The following PLCL1 variants were observed in gnomAD, a reference collection of about 807,000 sequenced individuals.
PLCL1 encodes the protein phospholipase C like 1 (inactive).
PLCL1 carries 41 observed loss-of-function variants against 84.4 expected under a neutral mutation model. That is an observed-to-expected ratio of 0.49 (90% CI 0.38 to 0.63). The LOEUF is 0.63. Ranked by LOEUF, PLCL1 falls within the 30% of genes least tolerant of loss-of-function variation. The probability of loss-of-function intolerance (pLI) is 0.00; values close to 1 mark genes in which losing one functional copy is unlikely to be tolerated. For missense variants in PLCL1, 1,206 were observed against 1,367.8 expected (o/e 0.88, Z 1.87); for synonymous variants, 490 against 488.3 (o/e 1.00, Z -0.05).
chr2:197,989,150 AT>A (rs1301412949), intron 1 of PLCL1, among the ~76,000 whole-genome samples: 1 of 152,232 alleles, frequency 6.6e-6, no homozygotes, highest in Non-Finnish European at 1.5e-5. Context: ...ACATTTTCAG[AT>A]TATGATGGCT....
chr2:197,975,495 A>G (rs1266967188), intron 1 of PLCL1, among the ~76,000 whole-genome samples: 1 of 152,102 alleles, frequency 6.6e-6, no homozygotes. Flanking sequence ...CCAATTGGCT[A>G]TCATCTACAT....
At chr2:198,096,254 T>C (rs1271767899) in intron 3 of PLCL1, among the ~76,000 whole-genome samples, 3 of 152,204 alleles carry the variant, frequency 2.0e-5, no homozygotes, top group Admixed American at 6.5e-5. Context: ...TCTTAGATCA[T>C]TTAGTCCTAT....
intron 1 of PLCL1, among the ~76,000 whole-genome samples, chr2:198,067,396 G>A (rs1199230932): frequency 6.6e-6 from 1 of 151,898 alleles, no homozygotes; most frequent in African/African-American, 2.4e-5. Flanking sequence ...CCAAAGTGTT[G>A]GGATTACAGG....
chr2:198,018,778 G>T (rs1691060506), intron 1 of PLCL1, among the ~76,000 whole-genome samples: 1 of 152,202 alleles, frequency 6.6e-6, no homozygotes, highest in Non-Finnish European at 1.5e-5. Flanking sequence ...CAGAGCACCT[G>T]CAGGAAGGGG....
chr2:197,845,230 A>G (rs1687098043), intron 1 of PLCL1, among the ~76,000 whole-genome samples: 2 of 152,154 alleles, frequency 1.3e-5, no homozygotes, highest in Admixed American at 6.6e-5. Context: ...CAGGAAAATG[A>G]CAAGTCAAAG....
intron 1 of PLCL1, among the ~76,000 whole-genome samples, chr2:198,079,127 T>A (rs561962987): frequency 5.9e-4 from 89 of 152,044 alleles, no homozygotes; most frequent in Non-Finnish European, 9.1e-4. Context: ...GATTTTTTTT[T>A]TAATTTTGAT....
At chr2:197,983,209 T>C (rs1193522176) in intron 1 of PLCL1, among the ~76,000 whole-genome samples, 6 of 12,648 alleles carry the variant, frequency 4.7e-4, no homozygotes, top group Admixed American at 8.2e-4. Flanking sequence ...TCTTTTTTTT[T>C]TTTTTTTTTT....
At chr2:197,983,216 T>C (rs1392907214) in intron 1 of PLCL1, among the ~76,000 whole-genome samples, 99 of 57,480 alleles carry the variant, frequency 1.7e-3, no homozygotes, top group African/African-American at 6.3e-3. Flanking sequence ...TTTTTTTTTT[T>C]TTTTTTTTTT....
chr2:198,083,695 G>A (rs1692778350), intron 1 of PLCL1, 63 bp from the exon 2 acceptor site: 2 of 1,046,416 alleles, frequency 1.9e-6, no homozygotes, highest in African/African-American at 1.6e-5. Flanking sequence ...AGTTCATAGA[G>A]TGTTACTGAA....
At chr2:197,976,958 C>A (rs1689994443) in intron 1 of PLCL1, among the ~76,000 whole-genome samples, 1 of 152,216 alleles carries the variant, frequency 6.6e-6, no homozygotes, top group Non-Finnish European at 1.5e-5. Context: ...TGACATGCCA[C>A]ACTGGCCTCA....
chr2:198,047,390 G>T (rs1157049759), intron 1 of PLCL1, among the ~76,000 whole-genome samples: 3 of 152,050 alleles, frequency 2.0e-5, no homozygotes, highest in African/African-American at 7.2e-5. Context: ...CATCACGTTG[G>T]CTGGGATGAT....
chr2:198,124,720 G>A (rs1038846048), intron 5 of PLCL1, among the ~76,000 whole-genome samples: 1 of 152,098 alleles, frequency 6.6e-6, no homozygotes, highest in African/African-American at 2.4e-5. Flanking sequence ...GATAGAAGCA[G>A]CTACTGCATT....
intron 1 of PLCL1, among the ~76,000 whole-genome samples, chr2:197,943,157 A>G (rs994429882): frequency 6.8e-6 from 1 of 146,290 alleles, no homozygotes; most frequent in Non-Finnish European, 1.5e-5. Flanking sequence ...AGATTGTGCC[A>G]CTGCGCTCTA....
chr2:198,091,482 C>A (rs1200805578), intron 3 of PLCL1, among the ~76,000 whole-genome samples: 2 of 151,808 alleles, frequency 1.3e-5, no homozygotes, highest in Non-Finnish European at 2.9e-5. Flanking sequence ...GAGTTTGAGA[C>A]CAGCCTGGCC....
chr2:197,908,849 G>A (rs559105502), intron 1 of PLCL1, among the ~76,000 whole-genome samples: 1 of 152,182 alleles, frequency 6.6e-6, no homozygotes, highest in Admixed American at 6.5e-5. Context: ...GAAAATGTGT[G>A]TAAAAATACT....
Position 198,106,381 on chromosome 2 carries a change from G to A in PLCL1, c.3105+2445G>A, listed in dbSNP as rs13426297. On this transcript the variant is annotated intron_variant, in intron 5 of 5. Coordinates refer to ENST00000428675, the MANE Select transcript of PLCL1 (RefSeq NM_006226.4). ...TCTGTGCTAGGCACTGGGAATACGT[G>A]GAGAACATGAGATACAGACCCTGAC... 8.9e-3 allele frequency among the ~76,000 whole-genome samples: 1,347 copies of A among 152,028 alleles called. 23 individuals are homozygous for A. Among genetic ancestry groups the A allele is most frequent in the African/African-American group, 0.03 (1,261 of 41,510 alleles).
intron 1 of PLCL1, among the ~76,000 whole-genome samples, chr2:198,036,671 T>C (rs1147169): frequency 0.67 from 102,471 of 151,958 alleles, 34,787 homozygotes; most frequent in Middle Eastern, 0.86. Context: ...TTTTCCTCCA[T>C]GGTTCATACA....
intron 5 of PLCL1, among the ~76,000 whole-genome samples, chr2:198,115,766 C>CT (rs1391584673): frequency 6.6e-6 from 1 of 151,604 alleles, no homozygotes; most frequent in African/African-American, 2.4e-5. Context: ...TCTCGTGAGA[C>CT]TTATTCACTA....
chr2:197,919,706 G>T (rs1688668806), intron 1 of PLCL1, among the ~76,000 whole-genome samples: 1 of 152,180 alleles, frequency 6.6e-6, no homozygotes, highest in African/African-American at 2.4e-5. Flanking sequence ...GCTGGTACAA[G>T]GTTTGCTACA....
Sources: gnomAD v4.1 joint callset for allele counts (sites outside exome capture counted in the v4.1 genomes callset) on GRCh38, gnomAD v4.1.1 for gene constraint, MANE v1.5 for transcripts, NCBI Gene and HGNC (gene_info 2026-07-23, HGNC 2026-07-21) for gene names.